EYS: variants seen among roughly 807,000 people sequenced by gnomAD.
The protein encoded by EYS is protein eyes shut homolog.
In EYS, 250 loss-of-function variants were observed where a neutral mutation model predicts 282.1. That is an observed-to-expected ratio of 0.89 (90% confidence interval 0.80 to 0.98). The LOEUF is 0.98. EYS is among the 50% of genes least tolerant of loss of function. EYS has a pLI of 0.00. For synonymous variants in EYS, 1,355 were observed against 1,282.9 expected, an observed-to-expected ratio of 1.06 and a Z score of -1.20; for missense variants, 4,016 against 3,709.0, an observed-to-expected ratio of 1.08 and a Z score of -2.15.
At chr6:64,813,670 AC>A in intron 21 of EYS, 93 bp from the exon 22 acceptor site, 1 of 737,294 alleles carries the variant, frequency 1.4e-6, no homozygotes, top group Non-Finnish European at 2.0e-6. Flanking sequence ...AATCTAAAAA[AC>A]TGATGTGCAA....
At chr6:64,132,052 T>C (rs566467272) in intron 31 of EYS, among the ~76,000 whole-genome samples, 1 of 152,284 alleles carries the variant, frequency 6.6e-6, no homozygotes, top group Non-Finnish European at 1.5e-5. Context: ...TTTTGTTGTA[T>C]AATGTATTCA....
intron 2 of EYS, among the ~76,000 whole-genome samples, chr6:65,591,676 T>A (rs1024257132): frequency 4.6e-5 from 7 of 151,944 alleles, no homozygotes; most frequent in Non-Finnish European, 1.0e-4. Flanking sequence ...CACCATTCTC[T>A]CTGTCTGGAA....
chr6:65,591,364 GTA>G (rs1765227934), intron 2 of EYS, among the ~76,000 whole-genome samples: 1 of 151,752 alleles, frequency 6.6e-6, no homozygotes, highest in African/African-American at 2.4e-5. Flanking sequence ...GTGTGTGTGT[GTA>G]TGTGTATATA....
intron 29 of EYS, among the ~76,000 whole-genome samples, chr6:64,338,065 G>A (rs1482411829): frequency 6.6e-6 from 1 of 151,884 alleles, no homozygotes; most frequent in Non-Finnish European, 1.5e-5. Context: ...TCTGAGAACT[G>A]GAACAAGACA....
chr6:64,024,760 G>A (rs1288474791), intron 33 of EYS, among the ~76,000 whole-genome samples: 1 of 151,966 alleles, frequency 6.6e-6, no homozygotes, highest in Non-Finnish European at 1.5e-5. Context: ...GCAAAGGTCC[G>A]CAGCTTCACT....
chr6:64,572,990 A>G (rs754039471), intron 26 of EYS, among the ~76,000 whole-genome samples: 4 of 152,292 alleles, frequency 2.6e-5, no homozygotes, highest in Non-Finnish European at 4.4e-5. Context: ...AAATGAACAA[A>G]GATGGAGGCA....
intron 30 of EYS, among the ~76,000 whole-genome samples, chr6:64,294,443 T>C (rs1056072901): frequency 1.3e-5 from 2 of 152,242 alleles, no homozygotes; most frequent in African/African-American, 4.8e-5. Context: ...GAGTAGGACT[T>C]TTAGCTTCTC....
rs146250218 is a variant in EYS at position 64,128,126 on chromosome 6, T to C, written c.6425-46124A>G. Among the ~76,000 whole-genome samples the C allele has an allele frequency of 2.1e-3, 313 of 152,272 alleles. 2 individuals are homozygous for C. The highest frequency in any genetic ancestry group is 7.3e-3 in the African/African-American group (303 of 41,574). On this transcript the variant is annotated intron_variant, in intron 31 of 42. Transcript: ENST00000503581. ...TCATAAAAGACAACTTTCTCCAATA[T>C]AATAGTAACTTCTGATGTGTACAGA...
chr6:65,155,856 C>A (rs1444756291), intron 12 of EYS, among the ~76,000 whole-genome samples: 1 of 151,416 alleles, frequency 6.6e-6, no homozygotes, highest in Non-Finnish European at 1.5e-5. Context: ...TGTCCAAAGG[C>A]AGGAAATGCC....
chr6:63,965,440 A>C (rs771539108), intron 35 of EYS, among the ~76,000 whole-genome samples: 1 of 152,174 alleles, frequency 6.6e-6, no homozygotes, highest in African/African-American at 2.4e-5. Flanking sequence ...TTTGTTTTCA[A>C]TTTTAACAGA....
chr6:65,344,001 G>C lies in EYS; in HGVS notation c.1599+37C>G, dbSNP rs534738152. 1.4e-5 allele frequency: 22 copies of C among 1,575,082 alleles called. No individual in the cohort carries two copies. The South Asian group carries it at 2.1e-4, about 15-fold the overall frequency. The stretch of plus-strand genomic sequence containing the variant: ...AAAAATCAGACAATTACAAGCTAAA[G>C]AGAAAAATGAAAAGCAACTACATAA... On this transcript the variant is annotated intron_variant, in intron 10 of 42. Transcript: ENST00000503581.
intron 12 of EYS, among the ~76,000 whole-genome samples, chr6:65,173,776 A>C (rs1353166226): frequency 6.6e-6 from 1 of 151,238 alleles, no homozygotes; most frequent in Non-Finnish European, 1.5e-5. Context: ...GTATGAACAA[A>C]ATTGTTATAG....
chr6:64,433,366 C>T (rs1774633895), intron 28 of EYS, among the ~76,000 whole-genome samples: 1 of 151,996 alleles, frequency 6.6e-6, no homozygotes, highest in Non-Finnish European at 1.5e-5. Context: ...CTGCAACATT[C>T]ATGAATTGTG....
intron 2 of EYS, among the ~76,000 whole-genome samples, chr6:65,504,208 A>G (rs1766566925): frequency 6.9e-6 from 1 of 144,644 alleles, no homozygotes; most frequent in Admixed American, 7.2e-5. Flanking sequence ...TTTGGATACT[A>G]TTACAAATGG....
rs750283324 is a variant in EYS at position 64,822,754 on chromosome 6, C to T, written c.3061G>A (p.Asp1021Asn). The T allele has an allele frequency of 7.4e-5, 115 of 1,549,916 alleles. No homozygotes were observed. The highest frequency in any genetic ancestry group is 8.8e-5 in the Non-Finnish European group (101 of 1,145,934). ...TCACAGGTATAATGATTGATGCCAT[C>T]GATACAAACTCCATCATGGAGACAG... ...EPCLHDGVCI[D>N]GINHYTCDCK... Residue 1021 changes from aspartate (D) to asparagine (N), a missense_variant, in exon 20 of 43, where the codon GAT becomes AAT. Coordinates refer to ENST00000503581, the MANE Select transcript of EYS (RefSeq NM_001142800.2).
intron 12 of EYS, among the ~76,000 whole-genome samples, chr6:65,249,247 CACA>C (rs936208891): frequency 5.3e-5 from 8 of 151,860 alleles, no homozygotes; most frequent in African/African-American, 1.9e-4. Flanking sequence ...AGCTCAAAAT[CACA>C]ACAATTTAAA....
chr6:64,439,093 T>A, intron 27 of EYS, 69 bp downstream of exon 27: 1 of 812,410 alleles, frequency 1.2e-6, no homozygotes, highest in Non-Finnish European at 1.8e-6. Context: ...ATTTTGAAAA[T>A]AACCAATGAA....
At chr6:64,709,068 T>G (rs2149932732) in intron 22 of EYS, among the ~76,000 whole-genome samples, 1 of 152,004 alleles carries the variant, frequency 6.6e-6, no homozygotes, top group East Asian at 1.9e-4. Context: ...ATTATCTATG[T>G]GCAATGGAAA....
chr6:65,022,134 G>A (rs752020131), intron 13 of EYS, among the ~76,000 whole-genome samples: 17 of 152,258 alleles, frequency 1.1e-4, no homozygotes, highest in African/African-American at 1.9e-4. Context: ...GCTGCCTAGC[G>A]TCTATCCATT....
Sources: gnomAD v4.1 joint callset for allele counts (sites outside exome capture counted in the v4.1 genomes callset) on GRCh38, gnomAD v4.1.1 for gene constraint, MANE v1.5 for transcripts, NCBI Gene and HGNC (gene_info 2026-07-23, HGNC 2026-07-21) for gene names.